UNK: variants seen among roughly 807,000 people sequenced by gnomAD.
UNK encodes unk zinc finger, also known as RING finger protein unkempt homolog.
In UNK, 32 loss-of-function variants were observed where a neutral mutation model predicts 97.6. That is an observed-to-expected ratio of 0.33 (90% CI 0.25 to 0.44). The LOEUF (loss-of-function observed/expected upper bound fraction) is 0.44, where lower values mean the gene tolerates loss of function less well. Ranked by LOEUF, UNK falls within the 20% of genes least tolerant of loss-of-function variation. The pLI is 1.00. For synonymous variants in UNK, 441 were observed against 461.2 expected, an observed-to-expected ratio of 0.96 and a Z score of 0.56; for missense variants, 771 against 1,098.4, an observed-to-expected ratio of 0.70 and a Z score of 4.21.
intron 6 of UNK, among the ~76,000 whole-genome samples, chr17:75,814,464 C>T (rs1190918969): frequency 1.5e-5 from 2 of 131,454 alleles, no homozygotes; most frequent in Non-Finnish European, 3.1e-5. Flanking sequence ...TGCACTCCAG[C>T]CTGGGTGACA....
intron 1 of UNK, among the ~76,000 whole-genome samples, chr17:75,796,269 G>A (rs1232767767): frequency 6.6e-6 from 1 of 151,220 alleles, no homozygotes; most frequent in Non-Finnish European, 1.5e-5. Context: ...AGATTTGGAA[G>A]CCACATCTCT....
Position 75,784,961 on chromosome 17 carries a change from G to A in UNK, c.81G>A (p.Gln27=). 6.6e-7 allele frequency: 1 copy of A among 1,526,318 alleles called. No homozygotes were observed. The highest frequency in any genetic ancestry group is 8.8e-7 in the Non-Finnish European group (1 of 1,140,256). The allele number at this position is 1,526,318 out of a possible 1,614,324, so 94.5% of individuals were successfully genotyped here. A position where few individuals can be genotyped will look rare whatever the true frequency, so the allele number is the denominator to read the frequency against. The change falls in exon 1 of 16, where the codon CAG becomes CAA. Residue 27 remains glutamine, a synonymous_variant. Coordinates refer to ENST00000589666, the MANE Select transcript of UNK (RefSeq NM_001080419.3). ...PAATAQVLQA[Q]PEKPQHYTYL... is the part of the protein sequence containing the mutation. The stretch of plus-strand genomic sequence containing the variant: ...CTACCGCTCAGGTGCTGCAGGCACA[G>A]CCCGAGAAACCGCAGCACTACACGT...
In UNK at chr17:75,817,614, G is replaced by A; in HGVS notation, c.1305+88G>A. 1 of 1,383,240 alleles carries A rather than the reference G, an allele frequency of 7.2e-7. No homozygotes were observed. Among genetic ancestry groups the A allele is most frequent in the Non-Finnish European group, 9.8e-7 (1 of 1,023,306 alleles). The allele number at this position is 1,383,240 out of a possible 1,614,324, so 85.7% of individuals were successfully genotyped here. A position where few individuals can be genotyped will look rare whatever the true frequency, so the allele number is the denominator to read the frequency against. On this transcript the variant is annotated intron_variant, in intron 9 of 15. Coordinates refer to ENST00000589666, the MANE Select transcript of UNK (RefSeq NM_001080419.3). This position sits in a 1 kb window ranked among gnomAD's most constrained non-coding sequence, Gnocchi z 5.8. ...GAGGAGTGTCTTGGTCCAGCTACGG[G>A]GAGGATGACTGGGAGCTAGGACTCC...
rs1360101945 is a variant in UNK, at chr17:75,824,319, G to T, written c.2335G>T (p.Val779Leu). ...CLKCQEQKRA[V>L]LPCQHAALCE... ...TAAGTGTCAGGAACAGAAGCGGGCA[G>T]TGCTGCCGTGCCAACACGCTGCGCT... is the stretch of plus-strand genomic sequence containing the variant. Residue 779 changes from valine (V) to leucine (L), a missense_variant, in exon 16 of 16, where the codon GTG becomes TTG. Val to Leu is a conservative substitution (Grantham distance 32). Around this residue, in one of 5 missense-constraint regions of UNK, gnomAD observed 208 missense variants for 257.4 expected, o/e 0.81. Coordinates refer to ENST00000589666, the MANE Select transcript of UNK (RefSeq NM_001080419.3). The surrounding 1 kb of genome is among the most constrained non-coding windows in gnomAD (Gnocchi z 4.9). 6.2e-7 allele frequency: 1 copy of T among 1,605,082 alleles called. No individual in the cohort carries two copies. The highest frequency in any genetic ancestry group is 1.1e-5 in the South Asian group (1 of 90,192).
chr17:75,821,572 C>T (rs1362797816), intron 13 of UNK: 2 of 455,980 alleles, frequency 4.4e-6, no homozygotes, highest in African/African-American at 2.0e-5. Context: ...CCGCACAGGA[C>T]CATGTCCCTC....
Position 75,812,271 on chromosome 17 carries a change from C to G in UNK, c.474C>G (p.Ser158=), listed in dbSNP as rs918440854. The change falls in exon 3 of 16, where the codon TCC becomes TCG. Residue 158 remains serine (S), a synonymous_variant. Coordinates refer to ENST00000589666, the MANE Select transcript of UNK (RefSeq NM_001080419.3). ...AFAHGPHDLR[S]PVYDIRELQA... ...CCCACGGGCCCCATGACCTCCGCTC[C>G]CCTGTCTACGACATCAGGTGGGCTG... 4 of 1,612,462 alleles carry G rather than the reference C, an allele frequency of 2.5e-6. No homozygotes were observed. The highest frequency in any genetic ancestry group is 3.4e-6 in the Non-Finnish European group (4 of 1,178,904).
intron 7 of UNK, among the ~76,000 whole-genome samples, chr17:75,815,797 A>T (rs1567806634): frequency 1.3e-5 from 2 of 151,944 alleles, no homozygotes; most frequent in Non-Finnish European, 2.9e-5. Flanking sequence ...GAGGCATGAG[A>T]ATCACTTGAA....
intron 13 of UNK, chr17:75,821,434 C>T (rs1260818686): frequency 2.2e-6 from 1 of 451,288 alleles, no homozygotes; most frequent in African/African-American, 2.0e-5. Flanking sequence ...AGAGCTTCTC[C>T]AAGGGAGGAG....
At chr17:75,812,897 G>C (rs965389932) in intron 4 of UNK, among the ~76,000 whole-genome samples, 181 bp from the exon 5 acceptor site, 1 of 152,234 alleles carries the variant, frequency 6.6e-6, no homozygotes, top group African/African-American at 2.4e-5. Context: ...AGCATCTGTT[G>C]TCCTTGCTGC....
chr17:75,821,696 T>G (rs747243050), intron 13 of UNK: 5 of 456,428 alleles, frequency 1.1e-5, no homozygotes, highest in Non-Finnish European at 4.4e-6. Context: ...AGAAAGTACA[T>G]ATGGGCAGAG....
chr17:75,794,849 A>G (rs958870058), intron 1 of UNK, among the ~76,000 whole-genome samples: 6 of 152,178 alleles, frequency 3.9e-5, no homozygotes, highest in African/African-American at 1.4e-4. Flanking sequence ...AAATGAGTTC[A>G]TACATGTAAA....
intron 1 of UNK, among the ~76,000 whole-genome samples, chr17:75,801,070 A>G (rs985949699): frequency 2.0e-5 from 3 of 150,954 alleles, no homozygotes; most frequent in African/African-American, 7.3e-5. Flanking sequence ...CGCCCGGCTA[A>G]TTTTTTGTAT....
chr17:75,788,572 T>G (rs1040352307), intron 1 of UNK, among the ~76,000 whole-genome samples: 1 of 152,356 alleles, frequency 6.6e-6, no homozygotes, highest in East Asian at 1.9e-4. Context: ...CAGGCTGGTC[T>G]TGAACTCCTG....
chr17:75,813,303 AG>A, intron 5 of UNK, 90 bp downstream of exon 5: 1 of 1,466,508 alleles, frequency 6.8e-7, no homozygotes, highest in Non-Finnish European at 9.0e-7. Context: ...CTCCGGGAGG[AG>A]GGGAGGCTGG....
Position 75,817,418 on chromosome 17 carries a change from C to T in UNK, c.1197C>T (p.Ile399=), listed in dbSNP as rs2062027284. The T allele has an allele frequency of 3.1e-6, 5 of 1,612,842 alleles. No homozygotes were observed. Among genetic ancestry groups the T allele is most frequent in the East Asian group, 2.2e-5 (1 of 44,880 alleles). ...SIRKPPNLEG[I]VFPGESGLAP... The stretch of plus-strand genomic sequence containing the variant: ...GGAAGCCCCCAAACCTGGAGGGCAT[C>T]GTCTTCCCTGGGGAGTCTGGCCTGG... The change falls in exon 9 of 16, where the codon ATC becomes ATT. Residue 399 remains isoleucine (I), a synonymous_variant. Coordinates refer to ENST00000589666, the MANE Select transcript of UNK (RefSeq NM_001080419.3). This position sits in a 1 kb window ranked among gnomAD's most constrained non-coding sequence, Gnocchi z 5.8.
intron 6 of UNK, among the ~76,000 whole-genome samples, chr17:75,814,868 G>A (rs1013081586): frequency 5.3e-5 from 8 of 152,218 alleles, no homozygotes; most frequent in Non-Finnish European, 1.0e-4. Context: ...CAGGAGGCAC[G>A]CTTGGAGGCA....
chr17:75,821,859 T>C (rs1215922415), intron 13 of UNK: 3 of 387,418 alleles, frequency 7.7e-6, no homozygotes, highest in East Asian at 7.2e-5. Flanking sequence ...CGCAGCATAG[T>C]TGACTGGAAA....
At chr17:75,812,616 C>A (rs370930226) in intron 4 of UNK, 31 bp downstream of exon 4, 13 of 1,602,740 alleles carry the variant, frequency 8.1e-6, no homozygotes, top group Non-Finnish European at 9.4e-6. Flanking sequence ...GCCGCGCCCT[C>A]CCTATAATCC....
intron 1 of UNK, among the ~76,000 whole-genome samples, chr17:75,805,810 A>ATGTGTGTG (rs61000364): frequency 0.054 from 7,796 of 145,274 alleles, 435 homozygotes; most frequent in East Asian, 0.24. Flanking sequence ...AAAAAGAAAA[A>ATGTGTGTG]TGTGTGTGTG....
Sources: allele counts gnomAD v4.1 joint callset (sites outside exome capture counted in the v4.1 genomes callset), GRCh38; gene constraint gnomAD v4.1.1; regional missense constraint gnomAD v4.1.1; non-coding constraint Gnocchi (gnomAD v3.1); transcripts MANE v1.5; gene names NCBI Gene and HGNC (gene_info 2026-07-23, HGNC 2026-07-21).